The following B4GALT6 variants were observed in gnomAD, a reference collection of about 807,000 sequenced individuals.
The protein encoded by B4GALT6 is beta-1,4-galactosyltransferase 6, also known as UDP-Gal:beta-GlcNAc beta-1,4-galactosyltransferase 6.
Under a neutral mutation model 46.3 loss-of-function variants are expected in B4GALT6, and 14 were observed. That is an observed-to-expected ratio of 0.30 (90% CI 0.20 to 0.47). The LOEUF is 0.47. B4GALT6 is among the 20% of genes least tolerant of loss of function. The pLI, the probability that B4GALT6 is intolerant of heterozygous loss-of-function variation, is 0.99. For missense variants in B4GALT6, 386 were observed against 480.1 expected (o/e 0.80, Z 1.83); for synonymous variants, 168 against 162.0 (o/e 1.04, Z -0.28).
At chr18:31,673,939 GAC>G (rs749260872) in intron 1 of B4GALT6, among the ~76,000 whole-genome samples, 5 of 150,482 alleles carry the variant, frequency 3.3e-5, no homozygotes, top group African/African-American at 4.9e-5. Context: ...CACACACACA[GAC>G]ACACACACAC....
intron 4 of B4GALT6, among the ~76,000 whole-genome samples, chr18:31,640,759 G>C (rs2073920034): frequency 6.6e-6 from 1 of 152,168 alleles, no homozygotes; most frequent in South Asian, 2.1e-4. Context: ...CCGCACAATG[G>C]CTGCCAACTG....
intron 6 of B4GALT6, among the ~76,000 whole-genome samples, chr18:31,629,229 T>C (rs1271192793): frequency 1.3e-5 from 2 of 152,206 alleles, no homozygotes. Context: ...CTATTAGTAG[T>C]TAAGCTTTTG....
Position 31,659,544 on chromosome 18 carries a change from G to T in B4GALT6, c.233-1455C>A, listed in dbSNP as rs181518052. ...GAGGAAACAGAAGCCACAAGAGAAG[G>T]TCCAATTCCAAAGAAGTGCTTGGAA... is the stretch of plus-strand genomic sequence containing the variant. On this transcript the variant is annotated intron_variant, in intron 2 of 8. Transcript: ENST00000306851. Among the ~76,000 whole-genome samples, 211 of 152,276 alleles carry T rather than the reference G, an allele frequency of 1.4e-3. 1 individual carries two copies. Among genetic ancestry groups the T allele is most frequent in the Non-Finnish European group, 2.0e-3 (135 of 68,014 alleles).
At chr18:31,649,439 C>A (rs531846633) in intron 3 of B4GALT6, among the ~76,000 whole-genome samples, 7 of 152,254 alleles carry the variant, frequency 4.6e-5, no homozygotes, top group South Asian at 2.1e-4. Flanking sequence ...TTTCTACTCC[C>A]TGGCTCCATC....
rs1424287202 is a variant in B4GALT6 at position 31,628,186 on chromosome 18, A to C, written c.777-1065T>G. Among the ~76,000 whole-genome samples, 3 of 152,192 alleles carry C rather than the reference A, an allele frequency of 2.0e-5. No homozygotes were observed. The East Asian group carries it at 5.8e-4, about 29-fold the overall frequency. ...AGGTCAAAGGTACTCCAAGATGGTA[A>C]CAGCAACACTGATCCTAAAGACAAC... On this transcript the variant is annotated intron_variant, in intron 6 of 8. Transcript: ENST00000306851.
upstream of B4GALT6, among the ~76,000 whole-genome samples, chr18:31,689,604 C>T (rs766005036): frequency 2.0e-5 from 3 of 152,080 alleles, no homozygotes; most frequent in Non-Finnish European, 4.4e-5. Context: ...ATTAGCTGGG[C>T]ATGGTGGCGC....
At chr18:31,648,967 A>G (rs2074026403) in intron 3 of B4GALT6, among the ~76,000 whole-genome samples, 1 of 152,168 alleles carries the variant, frequency 6.6e-6, no homozygotes, top group Non-Finnish European at 1.5e-5. Context: ...TTAAATGTTC[A>G]CAGCTCAAAG....
chr18:31,685,094 C>A (rs2074530578), upstream of B4GALT6, among the ~76,000 whole-genome samples: 1 of 146,242 alleles, frequency 6.8e-6, no homozygotes, highest in Non-Finnish European at 1.5e-5. Flanking sequence ...TCATGCCGCG[C>A]CGGGCCCCGG....
the B4GALT6 span, among the ~76,000 whole-genome samples, chr18:31,712,287 A>ATTTTTTTTTTTTT: frequency 5.6e-4 from 47 of 84,630 alleles, 7 homozygotes; most frequent in Middle Eastern, 7.9e-3. Context: ...CTGGGACGTT[A>ATTTTTTTTTTTTT]TTTTTTTTTT....
At chr18:31,659,823 A>G (rs962567539) in intron 2 of B4GALT6, among the ~76,000 whole-genome samples, 1 of 151,922 alleles carries the variant, frequency 6.6e-6, no homozygotes, top group African/African-American at 2.4e-5. Flanking sequence ...ATGCCCAGTG[A>G]CACCCCAAGA....
intron 1 of B4GALT6, among the ~76,000 whole-genome samples, chr18:31,671,183 T>C (rs1373950554): frequency 1.3e-5 from 2 of 152,194 alleles, no homozygotes; most frequent in Non-Finnish European, 2.9e-5. Flanking sequence ...TCTTTGCTAT[T>C]GTGAACAGTG....
In B4GALT6 at chr18:31,623,605, A is replaced by T. The variant is rs528187721; in HGVS notation, c.*2009T>A. ...ATGTAATAGAAACAGAAAATGAACT[A>T]ATACACAAATGAAGTACAAATATCA... is the stretch of plus-strand genomic sequence containing the variant. On this transcript the variant is annotated 3_prime_UTR_variant, in exon 9 of 9. Transcript: ENST00000306851. 2.1e-4 allele frequency: 32 copies of T among 152,552 alleles called. No individual in the cohort carries two copies. Among genetic ancestry groups the T allele is most frequent in the African/African-American group, 6.5e-4 (27 of 41,576 alleles). 9.4% of individuals were successfully genotyped at this position (152,552 alleles called of 1,614,324 possible).
intron 3 of B4GALT6, among the ~76,000 whole-genome samples, chr18:31,648,796 T>G (rs972418577): frequency 3.9e-5 from 6 of 152,246 alleles, no homozygotes; most frequent in Non-Finnish European, 5.9e-5. Flanking sequence ...TTCTAACATT[T>G]CAAGTAAAAT....
intron 4 of B4GALT6, among the ~76,000 whole-genome samples, chr18:31,642,234 G>A (rs1401457221): frequency 6.6e-6 from 1 of 152,114 alleles, no homozygotes; most frequent in East Asian, 1.9e-4. Flanking sequence ...CTGGAGTACA[G>A]TGGTGTGATC....
the B4GALT6 span, among the ~76,000 whole-genome samples, chr18:31,721,827 T>C: frequency 6.6e-6 from 1 of 152,154 alleles, no homozygotes; most frequent in East Asian, 1.9e-4. Context: ...AGATTTATCA[T>C]CCCTCACAAT....
rs576489461 is a variant in B4GALT6, at chr18:31,626,066, AATATGTGTATTTATTAATGT to A, written c.1001+197_1001+216del. Among the ~76,000 whole-genome samples the A allele has an allele frequency of 1.5e-3, 221 of 152,368 alleles. 1 individual carries two copies. The highest frequency in any genetic ancestry group is 5.0e-3 in the African/African-American group (210 of 41,594). ...ATAGTTAACCGGGCTCTTTAACGTA[AATATGTGTATTTATTAATGT>A]ATATATACGTATATCTCTTAAAAAC... On this transcript the variant is annotated intron_variant, in intron 8 of 8. Coordinates refer to ENST00000306851, the MANE Select transcript of B4GALT6 (RefSeq NM_004775.5).
At chr18:31,719,707 G>T in the B4GALT6 span, among the ~76,000 whole-genome samples, 1 of 152,258 alleles carries the variant, frequency 6.6e-6, no homozygotes, top group African/African-American at 2.4e-5. Flanking sequence ...GGCGAGTAGG[G>T]GTAGGGTAAG....
intron 6 of B4GALT6, among the ~76,000 whole-genome samples, chr18:31,629,022 G>A (rs1161242714): frequency 2.0e-5 from 3 of 152,192 alleles, no homozygotes; most frequent in African/African-American, 4.8e-5. Context: ...TGAGGACGAT[G>A]AGGATGAAGA....
At chr18:31,643,102 G>A (rs143233105) in intron 4 of B4GALT6, among the ~76,000 whole-genome samples, 20 of 152,242 alleles carry the variant, frequency 1.3e-4, no homozygotes, top group African/African-American at 4.8e-4. Flanking sequence ...AGCAGGCAGG[G>A]ACGGGTAGGG....
Sources: allele counts gnomAD v4.1 joint callset (sites outside exome capture counted in the v4.1 genomes callset), GRCh38; gene constraint gnomAD v4.1.1; transcripts MANE v1.5; gene names NCBI Gene and HGNC (gene_info 2026-07-23, HGNC 2026-07-21).